Variants in PCDHGA1 observed in about 807,000 individuals in gnomAD.
PCDHGA1 encodes the protein protocadherin gamma-A1.
Under a neutral mutation model 58.0 loss-of-function variants are expected in PCDHGA1, and 32 were observed. The ratio of observed to expected loss-of-function variants is 0.55; its 90% confidence interval spans 0.42 to 0.74. The LOEUF (loss-of-function observed/expected upper bound fraction) is 0.74, where lower values mean the gene tolerates loss of function less well. PCDHGA1 is among the 30% of genes least tolerant of loss of function. The probability of loss-of-function intolerance (pLI) is 0.00; values close to 1 mark genes in which losing one functional copy is unlikely to be tolerated. For missense variants in PCDHGA1, 1,205 were observed against 1,182.3 expected (o/e 1.02, Z -0.28); for synonymous variants, 498 against 501.1 (o/e 0.99, Z 0.08).
rs150518799 is a variant in PCDHGA1 at position 141,344,974 on chromosome 5, T to C, written c.2421+11869T>C. 1.9e-6 allele frequency: 3 copies of C among 1,613,896 alleles called. No homozygotes were observed. In the African/African-American group the frequency reaches 4.0e-5, roughly 22 times the overall value. On this transcript the variant is annotated intron_variant, in intron 1 of 3. Coordinates refer to ENST00000517417, the MANE Select transcript of PCDHGA1 (RefSeq NM_018912.3). ...AGTCTAGATTATGAGGATGCCATGTTCTATGAAATTAAAATTGAAGCACAG... is the reference window on the plus strand; with the variant it reads ...AGTCTAGATTATGAGGATGCCATGTCCTATGAAATTAAAATTGAAGCACAG...
At chr5:141,462,596 A>G (rs1260411284) in intron 1 of PCDHGA1, among the ~76,000 whole-genome samples, 5 of 151,922 alleles carry the variant, frequency 3.3e-5, no homozygotes, top group African/African-American at 1.2e-4. Flanking sequence ...TTTCCATTTC[A>G]TATATTGTAT....
intron 1 of PCDHGA1, chr5:141,366,028 C>T (rs1291382727): frequency 1.2e-6 from 2 of 1,614,136 alleles, no homozygotes; most frequent in Non-Finnish European, 1.7e-6. Flanking sequence ...TGTACCCCGC[C>T]CTCCCCACAG....
intron 1 of PCDHGA1, chr5:141,414,994 T>C (rs1390374290): frequency 3.7e-6 from 6 of 1,613,626 alleles, no homozygotes; most frequent in Non-Finnish European, 4.2e-6. Flanking sequence ...CCAGAACGCC[T>C]GGCTGTCCTA....
intron 1 of PCDHGA1, chr5:141,355,385 G>A (rs746094461): frequency 1.2e-6 from 2 of 1,614,056 alleles, no homozygotes; most frequent in Non-Finnish European, 1.7e-6. Flanking sequence ...CTGGCGGAGC[G>A]CGGAGTCCGC....
At position 141,510,984 on chromosome 5, in the gene PCDHGA1, C is replaced by T. The variant is rs375865663; in HGVS notation, c.2607C>T (p.Ala869=). The change falls in exon 4 of 4, where the codon GCC becomes GCT. Residue 869 remains alanine (A), a synonymous_variant. Coordinates refer to ENST00000517417, the MANE Select transcript of PCDHGA1 (RefSeq NM_018912.3). ...GGAGCTCCACCCTGGGAGGGGGTGC[C>T]GGCACCATGGGATTGAGCGCCCGCT... The part of the protein sequence containing the change: ...ADGSSTLGGG[A]GTMGLSARYG... 20 of 1,614,044 alleles carry T rather than the reference C, an allele frequency of 1.2e-5. No homozygotes were observed. The East Asian group carries it at 1.6e-4, about 13-fold the overall frequency.
Position 141,429,387 on chromosome 5 carries a change from TAAA to T in PCDHGA1, c.2422-65414_2422-65412del, listed in dbSNP as rs11410533. Among the ~76,000 whole-genome samples, 27 of 151,446 alleles carry T rather than the reference TAAA, an allele frequency of 1.8e-4. No homozygotes were observed. In the East Asian group the frequency reaches 1.9e-3, roughly 11 times the overall value. ...AAATGGAGAAAATGTGTTTTTTTTTTAAAAAAAATTGAGATTAAGGTCTCATTA... is the reference window on the plus strand; with the variant it reads ...AAATGGAGAAAATGTGTTTTTTTTTTAAAAATTGAGATTAAGGTCTCATTA... On this transcript the variant is annotated intron_variant, in intron 1 of 3. Coordinates refer to ENST00000517417, the MANE Select transcript of PCDHGA1 (RefSeq NM_018912.3).
At chr5:141,460,883 C>T (rs371847673) in intron 1 of PCDHGA1, among the ~76,000 whole-genome samples, 2 of 149,996 alleles carry the variant, frequency 1.3e-5, no homozygotes, top group East Asian at 2.0e-4. Context: ...TATTTCATGC[C>T]TTTTCGTGGC....
chr5:141,372,331 T>G (rs1385749044), intron 1 of PCDHGA1: 2 of 1,613,644 alleles, frequency 1.2e-6, no homozygotes, highest in African/African-American at 1.3e-5. Flanking sequence ...CTGGTCACTG[T>G]GCGTGATGGA....
chr5:141,382,917 G>A (rs527482854), intron 1 of PCDHGA1: 1 of 1,555,450 alleles, frequency 6.4e-7, no homozygotes, highest in East Asian at 2.3e-5. Flanking sequence ...CTCAGCCGAG[G>A]GGCGGGGACT....
chr5:141,462,824 A>T (rs1561993844), intron 1 of PCDHGA1, among the ~76,000 whole-genome samples: 1 of 152,158 alleles, frequency 6.6e-6, no homozygotes, highest in Non-Finnish European at 1.5e-5. Flanking sequence ...TGGACAGCAG[A>T]CATTGTAAAT....
intron 1 of PCDHGA1, chr5:141,417,644 A>G (rs2096142506): frequency 3.9e-6 from 3 of 779,086 alleles, no homozygotes; most frequent in Non-Finnish European, 5.8e-6. Context: ...GGGATCCCTC[A>G]GCCTCTAGCC....
chr5:141,381,823 CTTCTTT>C (rs1777514301), intron 1 of PCDHGA1, among the ~76,000 whole-genome samples: 1 of 101,610 alleles, frequency 9.8e-6, no homozygotes, highest in African/African-American at 4.3e-5. Flanking sequence ...TTTCTTTCTT[CTTCTTT>C]TTTTTTTTTT....
Position 141,431,756 on chromosome 5 carries a change from G to T in PCDHGA1, c.2422-63051G>T. The T allele has an allele frequency of 6.2e-7, 1 of 1,614,236 alleles. No individual in the cohort carries two copies. Among genetic ancestry groups the T allele is most frequent in the South Asian group, 1.1e-5 (1 of 91,088 alleles). On this transcript the variant is annotated intron_variant, in intron 1 of 3. Transcript: ENST00000517417. This position sits in a 1 kb window ranked among gnomAD's most constrained non-coding sequence, Gnocchi z 4.8. Reference sequence around the variant, plus strand: ...TGCAGGATATTCTGCGCGAGCCAAAGTCCTGATCACTGTTCTGGACGTGAA... The same window carrying T: ...TGCAGGATATTCTGCGCGAGCCAAATTCCTGATCACTGTTCTGGACGTGAA...
rs200576950 is a variant in PCDHGA1 at position 141,477,475 on chromosome 5, C to T, written c.2422-17332C>T. The T allele has an allele frequency of 1.2e-6, 2 of 1,614,124 alleles. No individual in the cohort carries two copies. Among genetic ancestry groups the T allele is most frequent in the African/African-American group, 2.7e-5 (2 of 75,010 alleles). ...TTCAAGTGTCCGACATCAATGACAACCCTCCACAATCTTCTCAATCTTCCT... is the reference window on the plus strand; with the variant it reads ...TTCAAGTGTCCGACATCAATGACAATCCTCCACAATCTTCTCAATCTTCCT... On this transcript the variant is annotated intron_variant, in intron 1 of 3. Transcript: ENST00000517417. The surrounding 1 kb of genome is among the most constrained non-coding windows in gnomAD (Gnocchi z 4.9).
intron 1 of PCDHGA1, among the ~76,000 whole-genome samples, chr5:141,483,208 G>A (rs1195144442): frequency 6.6e-6 from 1 of 152,196 alleles, no homozygotes; most frequent in East Asian, 1.9e-4. Context: ...ATTCCATATA[G>A]ATGACAGTCA....
intron 1 of PCDHGA1, among the ~76,000 whole-genome samples, chr5:141,474,586 A>G (rs149003643): frequency 6.6e-6 from 1 of 152,222 alleles, no homozygotes; most frequent in Non-Finnish European, 1.5e-5. Flanking sequence ...AGTGTTAAAG[A>G]CATGGAAATA....
At chr5:141,509,071 G>T (rs1209992467) in intron 3 of PCDHGA1, among the ~76,000 whole-genome samples, 1 of 152,176 alleles carries the variant, frequency 6.6e-6, no homozygotes, top group Admixed American at 6.5e-5. Flanking sequence ...CAGCTCCGGG[G>T]ATTTGCGACA....
intron 1 of PCDHGA1, chr5:141,400,051 G>A (rs1253013919): frequency 6.2e-7 from 1 of 1,613,762 alleles, no homozygotes; most frequent in East Asian, 2.2e-5. Flanking sequence ...GCTGGTTGCT[G>A]TGCGTGATGG....
chr5:141,440,401 C>T (rs1023628115), intron 1 of PCDHGA1: 4 of 152,088 alleles, frequency 2.6e-5, no homozygotes, highest in African/African-American at 7.3e-5. Context: ...GAGAGGCAAT[C>T]GCACCACTGC....
Sources: allele counts gnomAD v4.1 joint callset (sites outside exome capture counted in the v4.1 genomes callset), GRCh38; gene constraint gnomAD v4.1.1; non-coding constraint Gnocchi (gnomAD v3.1); transcripts MANE v1.5; gene names NCBI Gene and HGNC (gene_info 2026-07-23, HGNC 2026-07-21).